The following PIK3CB variants were observed in gnomAD, a reference collection of about 807,000 sequenced individuals.
PIK3CB encodes the protein phosphatidylinositol 4,5-bisphosphate 3-kinase catalytic subunit beta isoform.
A neutral mutation model predicts 136.8 loss-of-function variants in PIK3CB; 39 were observed. The observed-to-expected ratio is 0.29, with a 90% CI of 0.22 to 0.37. The LOEUF (loss-of-function observed/expected upper bound fraction) is 0.37, where lower values mean the gene tolerates loss of function less well. Among genes scored for constraint, PIK3CB ranks in the 10% least tolerant of loss-of-function variants. PIK3CB has a pLI of 1.00. For synonymous variants in PIK3CB, 428 were observed against 436.6 expected (o/e 0.98, Z 0.25); for missense variants, 868 against 1,275.4 (o/e 0.68, Z 4.87).
chr3:138,718,900 T>C (rs2044667220), intron 8 of PIK3CB, among the ~76,000 whole-genome samples: 1 of 152,218 alleles, frequency 6.6e-6, no homozygotes, highest in Non-Finnish European at 1.5e-5. Context: ...TCCATTGGTC[T>C]ATATGCCTAT....
intron 1 of PIK3CB, among the ~76,000 whole-genome samples, chr3:138,809,619 A>AG (rs1395405071): frequency 1.3e-5 from 2 of 151,552 alleles, no homozygotes; most frequent in African/African-American, 2.4e-5. Context: ...AAAAAAAAAA[A>AG]AAAAAAGAAA....
chr3:138,690,279 AAG>A (rs2043980733), intron 15 of PIK3CB, among the ~76,000 whole-genome samples: 2 of 151,452 alleles, frequency 1.3e-5, no homozygotes, highest in South Asian at 2.1e-4. Context: ...AGGAAGGAGA[AAG>A]AGAGAAAGAA....
Position 138,684,753 on chromosome 3 carries a change from A to G in PIK3CB, c.2187T>C (p.Asn729=). The G allele has an allele frequency of 6.2e-7, 1 of 1,614,012 alleles. No individual in the cohort carries two copies. The change falls in exon 17 of 24, where the codon AAT becomes AAC. Residue 729 remains asparagine, a synonymous_variant. Transcript: ENST00000674063. ...LKTLNSLIKL[N]AVKLNRAKGK... Reference sequence around the variant, plus strand: ...CTTTGGCTCTGTTTAACTTCACGGCATTCAGTTTGATTAAACTATTTAAAG... The same window carrying G: ...CTTTGGCTCTGTTTAACTTCACGGCGTTCAGTTTGATTAAACTATTTAAAG...
intron 6 of PIK3CB, 110 bp from the exon 7 acceptor site, chr3:138,734,914 T>A: frequency 1.6e-6 from 1 of 614,096 alleles, no homozygotes; most frequent in Non-Finnish European, 2.6e-6. Flanking sequence ...AAGTATGTCT[T>A]AAACCACAGC....
Position 138,755,847 on chromosome 3 carries a change from C to T in PIK3CB, c.304G>A (p.Val102Ile). Residue 102 changes from valine (V) to isoleucine (I), a missense_variant, in exon 4 of 24, where the codon GTC becomes ATC. This residue lies in a region of PIK3CB where 612 missense variants were observed against 801.1 expected (regional missense o/e 0.76). Transcript: ENST00000674063. Reference sequence around the variant, plus strand: ...TTGAGAACTGGAAGAAAAGGTCTGACATCACAGAGTCTTCGTGTTTCATCT... The same window carrying T: ...TTGAGAACTGGAAGAAAAGGTCTGATATCACAGAGTCTTCGTGTTTCATCT... ...LEDETRRLCD[V>I]RPFLPVLKLV... The T allele has an allele frequency of 1.9e-6, 3 of 1,613,130 alleles. No individual in the cohort carries two copies. Among genetic ancestry groups the T allele is most frequent in the Non-Finnish European group, 2.5e-6 (3 of 1,179,250 alleles).
chr3:138,690,651 A>G (rs1410888493), intron 15 of PIK3CB, among the ~76,000 whole-genome samples: 1 of 151,992 alleles, frequency 6.6e-6, no homozygotes, highest in East Asian at 1.9e-4. Flanking sequence ...TTAAGACAAT[A>G]AGTACACTTT....
intron 4 of PIK3CB, among the ~76,000 whole-genome samples, chr3:138,753,604 G>A (rs2045512467): frequency 6.6e-6 from 1 of 152,114 alleles, no homozygotes; most frequent in Non-Finnish European, 1.5e-5. Flanking sequence ...GCAAAGGCAG[G>A]TGGATCACTT....
chr3:138,790,608 TC>T (rs2046036844), intron 2 of PIK3CB, among the ~76,000 whole-genome samples: 1 of 145,766 alleles, frequency 6.9e-6, no homozygotes, highest in Admixed American at 6.9e-5. Flanking sequence ...ATTGAGACCA[TC>T]CTGGCTAACA....
At chr3:138,694,511 T>C (rs1451265538) in intron 14 of PIK3CB, among the ~76,000 whole-genome samples, 1 of 152,194 alleles carries the variant, frequency 6.6e-6, no homozygotes, top group Admixed American at 6.5e-5. Flanking sequence ...CAATAAATTA[T>C]ATCTGTAAGT....
intron 1 of PIK3CB, among the ~76,000 whole-genome samples, chr3:138,801,357 G>A (rs1243634476): frequency 2.0e-5 from 3 of 152,076 alleles, no homozygotes; most frequent in Non-Finnish European, 2.9e-5. Flanking sequence ...TCATGCCACC[G>A]CCATTATCAA....
chr3:138,695,041 A>T (rs2108518193), intron 13 of PIK3CB, 134 bp from the exon 14 acceptor site: 1 of 693,280 alleles, frequency 1.4e-6, no homozygotes, highest in Non-Finnish European at 2.3e-6. Context: ...TCAAAAATCC[A>T]TTCCTGTTAA....
intron 1 of PIK3CB, among the ~76,000 whole-genome samples, chr3:138,807,769 T>A (rs2046250448): frequency 6.6e-6 from 1 of 151,970 alleles, no homozygotes; most frequent in Non-Finnish European, 1.5e-5. Context: ...TGGTGGCACT[T>A]ATAGTCCCAG....
intron 1 of PIK3CB, among the ~76,000 whole-genome samples, chr3:138,818,234 C>T (rs955656109): frequency 6.6e-6 from 1 of 152,150 alleles, no homozygotes; most frequent in Non-Finnish European, 1.5e-5. Flanking sequence ...TCACTGCCTC[C>T]AGCCTGCACA....
rs542126170 is a variant in PIK3CB at position 138,788,896 on chromosome 3, G to A, written c.-17+7567C>T. ...GGAGAATCGCTTGAACCCGGGAGGCGGAGGTTGCAGTGAGCCCAGATCGTG... is the reference window on the plus strand; with the variant it reads ...GGAGAATCGCTTGAACCCGGGAGGCAGAGGTTGCAGTGAGCCCAGATCGTG... On this transcript the variant is annotated intron_variant, in intron 2 of 23. Coordinates refer to ENST00000674063, the MANE Select transcript of PIK3CB (RefSeq NM_006219.3). 4.7e-5 allele frequency among the ~76,000 whole-genome samples: 7 copies of A among 148,698 alleles called. No individual in the cohort carries two copies. In the South Asian group the frequency reaches 8.4e-4, roughly 18 times the overall value.
chr3:138,774,760 G>A (rs1049840358), intron 2 of PIK3CB, among the ~76,000 whole-genome samples: 4 of 152,188 alleles, frequency 2.6e-5, no homozygotes, highest in Non-Finnish European at 5.9e-5. Flanking sequence ...ATAGCAAACA[G>A]TAACATGAGA....
At chr3:138,683,356 A>G (rs2043818886) in intron 18 of PIK3CB, among the ~76,000 whole-genome samples, 1 of 151,580 alleles carries the variant, frequency 6.6e-6, no homozygotes, top group African/African-American at 2.4e-5. Context: ...TGTCTCAAAA[A>G]AAAAAAAAAA....
intron 1 of PIK3CB, among the ~76,000 whole-genome samples, chr3:138,816,294 T>C (rs565158712): frequency 6.7e-6 from 1 of 150,140 alleles, no homozygotes; most frequent in South Asian, 2.1e-4. Context: ...GTAAATAAAT[T>C]AAAATAAAAT....
At chr3:138,705,396 CTACA>C (rs1422692785) in intron 11 of PIK3CB, among the ~76,000 whole-genome samples, 1 of 151,920 alleles carries the variant, frequency 6.6e-6, no homozygotes, top group Non-Finnish European at 1.5e-5. Context: ...ACTAAAGACA[CTACA>C]TAAACGTATT....
At chr3:138,719,547 A>G (rs1278324071) in intron 8 of PIK3CB, among the ~76,000 whole-genome samples, 3 of 152,110 alleles carry the variant, frequency 2.0e-5, no homozygotes, top group Non-Finnish European at 4.4e-5. Context: ...GGTATTTTAA[A>G]CAGCTAAAAT....
Sources: allele counts gnomAD v4.1 joint callset (sites outside exome capture counted in the v4.1 genomes callset), GRCh38; gene constraint gnomAD v4.1.1; regional missense constraint gnomAD v4.1.1; transcripts MANE v1.5; gene names NCBI Gene and HGNC (gene_info 2026-07-23, HGNC 2026-07-21).